IKZF1: variants seen among roughly 807,000 people sequenced by gnomAD.
The protein encoded by IKZF1 is DNA-binding protein Ikaros.
Under a neutral mutation model 51.7 loss-of-function variants are expected in IKZF1, and 10 were observed. The observed-to-expected ratio is 0.19, with a 90% CI of 0.12 to 0.33. IKZF1 has a LOEUF of 0.33. IKZF1 is among the 10% of genes least tolerant of loss of function. The pLI is 1.00. For synonymous variants in IKZF1, 280 were observed against 282.3 expected, an observed-to-expected ratio of 0.99 and a Z score of 0.08; for missense variants, 484 against 707.5, an observed-to-expected ratio of 0.68 and a Z score of 3.58.
intron 5 of IKZF1, among the ~76,000 whole-genome samples, chr7:50,386,553 A>G (rs7384694): frequency 0.81 from 123,796 of 152,034 alleles, 50,583 homozygotes; most frequent in Admixed American, 0.86. Context: ...CCATAAGCTC[A>G]GTTTATGAAC....
chr7:50,345,603 G>A (rs759471776), intron 3 of IKZF1, among the ~76,000 whole-genome samples: 3 of 152,220 alleles, frequency 2.0e-5, no homozygotes, highest in Non-Finnish European at 4.4e-5. Flanking sequence ...ACTCTGCTAG[G>A]CAGAGGGGTG....
intron 7 of IKZF1, among the ~76,000 whole-genome samples, chr7:50,392,093 C>A (rs1357052924): frequency 6.6e-6 from 1 of 152,218 alleles, no homozygotes; most frequent in Admixed American, 6.5e-5. Context: ...GCATCTGGGG[C>A]CTGCCCTGTG....
intron 4 of IKZF1, 84 bp from the exon 5 acceptor site, chr7:50,382,456 C>G: frequency 1.4e-6 from 2 of 1,474,524 alleles, no homozygotes; most frequent in South Asian, 1.4e-5. Flanking sequence ...ACCAGGCCCC[C>G]GTGGGAAACA....
At chr7:50,387,519 C>T (rs559389501) in intron 6 of IKZF1, 49 bp downstream of exon 6, 116 of 1,561,832 alleles carry the variant, frequency 7.4e-5, no homozygotes, top group South Asian at 1.1e-4. Context: ...CCCCCCAGCA[C>T]GGTGGGGAAG....
At chr7:50,322,444 A>G (rs190850541) in intron 2 of IKZF1, among the ~76,000 whole-genome samples, 1 of 152,264 alleles carries the variant, frequency 6.6e-6, no homozygotes, top group Admixed American at 6.5e-5. Flanking sequence ...GATTTATCCT[A>G]AATGTGGGCT....
At position 50,376,455 on chromosome 7, in the gene IKZF1, T is replaced by G; in HGVS notation, c.161-78T>G. 1 of 1,571,168 alleles carries G rather than the reference T, an allele frequency of 6.4e-7. No homozygotes were observed. Among genetic ancestry groups the G allele is most frequent in the East Asian group, 2.2e-5 (1 of 44,608 alleles). On this transcript the variant is annotated intron_variant, in intron 3 of 7. Transcript: ENST00000331340. The surrounding 1 kb of genome is among the most constrained non-coding windows in gnomAD (Gnocchi z 4.5). ...GTAGCTCTCCACACCTATTTGATTG[T>G]CTTTTTGCTGCTGTGTTGTTTTGTT... is the stretch of plus-strand genomic sequence containing the variant.
chr7:50,370,671 A>T (rs1003222122), intron 3 of IKZF1, among the ~76,000 whole-genome samples: 2 of 152,230 alleles, frequency 1.3e-5, no homozygotes, highest in Admixed American at 6.5e-5. Context: ...ACATTTATTG[A>T]GTAATAAAAT....
At chr7:50,309,937 C>A (rs1247489116) in intron 1 of IKZF1, among the ~76,000 whole-genome samples, 1 of 152,222 alleles carries the variant, frequency 6.6e-6, no homozygotes, top group African/African-American at 2.4e-5. Context: ...AGAGAGCCAG[C>A]AACCCCCTAG....
chr7:50,346,340 A>G (rs1329423863), intron 3 of IKZF1, among the ~76,000 whole-genome samples: 1 of 152,206 alleles, frequency 6.6e-6, no homozygotes, highest in Non-Finnish European at 1.5e-5. Flanking sequence ...GGAAGCACTG[A>G]TTGTTACAAA....
At chr7:50,319,379 A>C (rs1020967475) in intron 2 of IKZF1, among the ~76,000 whole-genome samples, 1 of 152,208 alleles carries the variant, frequency 6.6e-6, no homozygotes, top group Non-Finnish European at 1.5e-5. Context: ...TGGAAGGAAA[A>C]ATGGCTGATT....
intron 3 of IKZF1, among the ~76,000 whole-genome samples, chr7:50,338,956 G>A (rs944826320): frequency 1.5e-4 from 23 of 152,338 alleles, no homozygotes; most frequent in East Asian, 7.7e-4. Flanking sequence ...AGCATGCTCC[G>A]GTGAGCAGTG....
chr7:50,308,000 ATATCTCAGGT>A (rs1253317764), intron 1 of IKZF1, among the ~76,000 whole-genome samples: 1 of 152,202 alleles, frequency 6.6e-6, no homozygotes, highest in African/African-American at 2.4e-5. Flanking sequence ...AAATGACTTC[ATATCTCAGGT>A]TACCTTTCCA....
rs376909158 is a variant in IKZF1 at position 50,390,414 on chromosome 7, T to G, written c.716-1315T>G. On this transcript the variant is annotated intron_variant, in intron 6 of 7. Coordinates refer to ENST00000331340, the MANE Select transcript of IKZF1 (RefSeq NM_006060.6). ...AATCAGGGTGTGGCCTATATATGTT[T>G]GCCCATTTAATAAAAAACACATATT... 7.2e-5 allele frequency among the ~76,000 whole-genome samples: 11 copies of G among 152,364 alleles called. No homozygotes were observed. In the East Asian group the frequency reaches 1.3e-3, roughly 19 times the overall value.
chr7:50,363,120 G>C (rs747603122), intron 3 of IKZF1, among the ~76,000 whole-genome samples: 6 of 152,216 alleles, frequency 3.9e-5, no homozygotes, highest in Non-Finnish European at 7.3e-5. Context: ...ACATGCATGG[G>C]CTACATAGGA....
At chr7:50,363,090 A>G (rs572026289) in intron 3 of IKZF1, among the ~76,000 whole-genome samples, 1 of 152,290 alleles carries the variant, frequency 6.6e-6, no homozygotes, top group Non-Finnish European at 1.5e-5. Flanking sequence ...AATGTATGGA[A>G]TCCAGATGAA....
At chr7:50,367,944 A>G (rs1042706426) in intron 3 of IKZF1, 1 of 618,708 alleles carries the variant, frequency 1.6e-6, no homozygotes, top group African/African-American at 1.8e-5. Context: ...TTTCTGTTAA[A>G]CTCTGACTAT....
intron 2 of IKZF1, among the ~76,000 whole-genome samples, chr7:50,319,423 C>T (rs1382836924): frequency 1.3e-5 from 2 of 152,030 alleles, no homozygotes; most frequent in African/African-American, 4.8e-5. Context: ...AATGATGGTA[C>T]TTAAAGAGAG....
In IKZF1 at chr7:50,376,050, C is replaced by G. The variant is rs1272142511; in HGVS notation, c.161-483C>G. On this transcript the variant is annotated intron_variant, in intron 3 of 7. Coordinates refer to ENST00000331340, the MANE Select transcript of IKZF1 (RefSeq NM_006060.6). The surrounding 1 kb of genome is among the most constrained non-coding windows in gnomAD (Gnocchi z 4.5). ...GGAAAGGTAGCATCACAATAAGAGACGTTTTTCAGGCTTGATAACCACTTA... is the reference window on the plus strand; with the variant it reads ...GGAAAGGTAGCATCACAATAAGAGAGGTTTTTCAGGCTTGATAACCACTTA... Among the ~76,000 whole-genome samples the G allele has an allele frequency of 6.6e-6, 1 of 152,154 alleles. No homozygotes were observed. Among genetic ancestry groups the G allele is most frequent in the South Asian group, 2.1e-4 (1 of 4,834 alleles).
In IKZF1 at chr7:50,330,322, C is replaced by T. The variant is rs141050900; in HGVS notation, c.160+2565C>T. ...ATAGCAGTTGATGCAGCCCTGTGGA[C>T]AGGCGGGAACAGCCATGTGACGTGG... On this transcript the variant is annotated intron_variant, in intron 3 of 7. Coordinates refer to ENST00000331340, the MANE Select transcript of IKZF1 (RefSeq NM_006060.6). Among the ~76,000 whole-genome samples the T allele has an allele frequency of 8.6e-3, 1,307 of 152,328 alleles. 18 individuals are homozygous for T. The highest frequency in any genetic ancestry group is 0.03 in the African/African-American group (1,242 of 41,566).
Sources: gnomAD v4.1 joint callset for allele counts (sites outside exome capture counted in the v4.1 genomes callset) on GRCh38, gnomAD v4.1.1 for gene constraint, Gnocchi (gnomAD v3.1) non-coding constraint, MANE v1.5 for transcripts, NCBI Gene and HGNC (gene_info 2026-07-23, HGNC 2026-07-21) for gene names.